DYM: variants seen among roughly 807,000 people sequenced by gnomAD.
DYM encodes dymeclin, also known as dyggve-Melchior-Clausen syndrome protein.
In DYM, 78 loss-of-function variants were observed where a neutral mutation model predicts 93.1. The observed-to-expected ratio is 0.84, with a 90% CI of 0.70 to 1.01. The LOEUF (loss-of-function observed/expected upper bound fraction) is 1.01, where lower values mean the gene tolerates loss of function less well. Among genes scored for constraint, DYM ranks in the 50% least tolerant of loss-of-function variants. DYM has a pLI of 0.00. For missense variants in DYM, 789 were observed against 845.0 expected, an observed-to-expected ratio of 0.93 and a Z score of 0.82; for synonymous variants, 321 against 319.7, an observed-to-expected ratio of 1.00 and a Z score of -0.04.
At position 49,391,602 on chromosome 18, in the gene DYM, T is replaced by C; in HGVS notation, c.184A>G (p.Arg62Gly). Residue 62 changes from arginine (R) to glycine (G), a missense_variant, in exon 3 of 18, where the codon AGG (arginine) becomes GGG (glycine). Arg to Gly is a moderately radical substitution (Grantham distance 125). Transcript: ENST00000675505. ...CATTTTTCCCACTTACCTAATGACC[T>C]GCAGACTGAAATGGTTGCTTCCTCC... ...LLEEATISVC[R>G]SLVENNPRTG... is the part of the protein sequence containing the mutation. The C allele has an allele frequency of 6.2e-7, 1 of 1,613,570 alleles. No homozygotes were observed. The highest frequency in any genetic ancestry group is 8.5e-7 in the Non-Finnish European group (1 of 1,179,618).
At chr18:49,282,695 T>C (rs965093180) in intron 9 of DYM, among the ~76,000 whole-genome samples, 1 of 152,174 alleles carries the variant, frequency 6.6e-6, no homozygotes, top group African/African-American at 2.4e-5. Context: ...CCCATTAACA[T>C]AGCTGAAATA....
chr18:49,258,374 A>G lies in DYM; in HGVS notation c.1365+6T>C. 1 of 1,562,640 alleles carries G rather than the reference A, an allele frequency of 6.4e-7. No individual in the cohort carries two copies. Among genetic ancestry groups the G allele is most frequent in the Non-Finnish European group, 8.8e-7 (1 of 1,133,168 alleles). On this transcript the variant is annotated splice_donor_region_variant and intron_variant, in intron 12 of 17. Transcript: ENST00000675505. ...AAAAAGATAGAATAGCAGCTGGAAT[A>G]CTTACTCGTGTCCTAGTCATGTTGT...
chr18:49,205,022 G>A (rs992396033), intron 14 of DYM, among the ~76,000 whole-genome samples: 3 of 152,154 alleles, frequency 2.0e-5, no homozygotes, highest in Non-Finnish European at 2.9e-5. Context: ...GTGCAGTGGC[G>A]TGATCTCGGC....
chr18:49,186,920 C>CTT (rs57080617), intron 14 of DYM, among the ~76,000 whole-genome samples: 131 of 117,796 alleles, frequency 1.1e-3, no homozygotes, highest in Middle Eastern at 9.8e-3. Flanking sequence ...ACACAATCTT[C>CTT]TTTTTTTTTT....
At chr18:49,292,351 GACAGACACACACACACACAC>G (rs2060186815) in intron 8 of DYM, among the ~76,000 whole-genome samples, 7 of 106,718 alleles carry the variant, frequency 6.6e-5, no homozygotes, top group South Asian at 7.1e-4. Context: ...CAGACAGACA[GACAGACACACACACACACAC>G]ACACACACAC....
At chr18:49,293,700 T>C (rs2060326174) in intron 8 of DYM, among the ~76,000 whole-genome samples, 1 of 152,188 alleles carries the variant, frequency 6.6e-6, no homozygotes, top group African/African-American at 2.4e-5. Context: ...TAAGTTCTTG[T>C]AGATTCTGGA....
chr18:49,446,451 C>T (rs531748140), intron 1 of DYM, among the ~76,000 whole-genome samples: 1 of 152,252 alleles, frequency 6.6e-6, no homozygotes, highest in East Asian at 1.9e-4. Flanking sequence ...AGAGAATGAG[C>T]TTTACTATTT....
intron 13 of DYM, among the ~76,000 whole-genome samples, chr18:49,234,060 C>T (rs906821277): frequency 3.9e-5 from 6 of 152,000 alleles, no homozygotes; most frequent in South Asian, 2.1e-4. Flanking sequence ...ACCTGGGAGG[C>T]GGAGCTTGCA....
intron 13 of DYM, among the ~76,000 whole-genome samples, chr18:49,226,349 C>T (rs933602091): frequency 1.3e-5 from 2 of 152,130 alleles, no homozygotes; most frequent in African/African-American, 2.4e-5. Flanking sequence ...CTTCTGACTT[C>T]GGACAAAGCA....
At chr18:49,062,034 C>T (rs747764292) in intron 17 of DYM, among the ~76,000 whole-genome samples, 6 of 152,258 alleles carry the variant, frequency 3.9e-5, no homozygotes, top group South Asian at 2.1e-4. Context: ...CCTCATGGTG[C>T]CTGGATGTTC....
rs756682524 is a variant in DYM, at chr18:49,038,190, G to A, written c.*5865C>T. On this transcript the variant is annotated 3_prime_UTR_variant, in exon 18 of 18. Transcript: ENST00000675505. ...ATTTGTGTTTGAAAAGTATGTTATT[G>A]AGTTTGGTGTCCTACATACATCCGT... Among the ~76,000 whole-genome samples the A allele has an allele frequency of 5.3e-5, 8 of 152,102 alleles. No homozygotes were observed. Among genetic ancestry groups the A allele is most frequent in the Admixed American group, 2.6e-4 (4 of 15,274 alleles).
chr18:49,093,833 A>G (rs1180650593), intron 17 of DYM, among the ~76,000 whole-genome samples: 8 of 152,182 alleles, frequency 5.3e-5, no homozygotes, highest in Admixed American at 5.2e-4. Context: ...CCTGAATAGG[A>G]GCAAAGTGAA....
rs558359182 is a variant in DYM at position 49,449,635 on chromosome 18, A to C, written c.-54+10763T>G. Among the ~76,000 whole-genome samples the C allele has an allele frequency of 1.7e-4, 26 of 152,360 alleles. No homozygotes were observed. In the East Asian group the frequency reaches 5.0e-3, roughly 29 times the overall value. On this transcript the variant is annotated intron_variant, in intron 1 of 17. Coordinates refer to ENST00000675505, the MANE Select transcript of DYM (RefSeq NM_001353214.3). The stretch of plus-strand genomic sequence containing the variant: ...GCAAAAGGGTAAAAGTTTTTTTACC[A>C]GTCAACATTTTGGCTTATCTCTTCC...
chr18:49,332,075 G>T, intron 7 of DYM, 69 bp from the exon 8 acceptor site: 1 of 1,479,896 alleles, frequency 6.8e-7, no homozygotes, highest in Non-Finnish European at 9.3e-7. Flanking sequence ...TAACAATACA[G>T]AAATAATTCT....
At chr18:49,113,525 C>T (rs1394640318) in intron 16 of DYM, among the ~76,000 whole-genome samples, 1 of 152,210 alleles carries the variant, frequency 6.6e-6, no homozygotes, top group Admixed American at 6.5e-5. Context: ...TTCTGAGATA[C>T]TGAGTGCTGC....
At chr18:49,324,043 GACAAT>G (rs1239852684) in intron 8 of DYM, among the ~76,000 whole-genome samples, 7 of 138,412 alleles carry the variant, frequency 5.1e-5, no homozygotes, top group Non-Finnish European at 9.1e-5. Flanking sequence ...GCTGAGGCAC[GACAAT>G]CGCTTGAGCC....
intron 5 of DYM, among the ~76,000 whole-genome samples, chr18:49,372,381 T>C (rs2067127053): frequency 6.6e-6 from 1 of 152,264 alleles, no homozygotes; most frequent in East Asian, 1.9e-4. Flanking sequence ...AGAAAGTTTT[T>C]AGTCTTAAAA....
chr18:49,183,952 G>A (rs2090177483), intron 14 of DYM, among the ~76,000 whole-genome samples: 1 of 152,198 alleles, frequency 6.6e-6, no homozygotes, highest in East Asian at 1.9e-4. Context: ...TGAGAAGGCA[G>A]CCATCTGCAG....
chr18:49,203,225 G>T (rs1166592263), intron 14 of DYM, among the ~76,000 whole-genome samples: 1 of 48,746 alleles, frequency 2.1e-5, no homozygotes, highest in South Asian at 7.8e-4. Flanking sequence ...TGGGAGGGAG[G>T]TGGGGGGGGT....
Sources: gnomAD v4.1 joint callset for allele counts (sites outside exome capture counted in the v4.1 genomes callset) on GRCh38, gnomAD v4.1.1 for gene constraint, MANE v1.5 for transcripts, NCBI Gene and HGNC (gene_info 2026-07-23, HGNC 2026-07-21) for gene names.